ATP8A1: variants seen among roughly 807,000 people sequenced by gnomAD.
ATP8A1 encodes the protein phospholipid-transporting ATPase IA.
A neutral mutation model predicts 177.7 loss-of-function variants in ATP8A1; 90 were observed. That is an observed-to-expected ratio of 0.51 (90% CI 0.43 to 0.60). The LOEUF (loss-of-function observed/expected upper bound fraction) is 0.60, where lower values mean the gene tolerates loss of function less well. Ranked by LOEUF, ATP8A1 falls within the 20% of genes least tolerant of loss-of-function variation. ATP8A1 has a pLI of 0.00. For synonymous variants in ATP8A1, 493 were observed against 485.9 expected (o/e 1.01, Z -0.19); for missense variants, 1,072 against 1,392.8 (o/e 0.77, Z 3.67).
intron 22 of ATP8A1, among the ~76,000 whole-genome samples, chr4:42,521,343 T>A (rs764227147): frequency 2.6e-5 from 4 of 152,204 alleles, no homozygotes; most frequent in Non-Finnish European, 5.9e-5. Flanking sequence ...TTACCCTCTC[T>A]GTTACCTTGG....
intron 1 of ATP8A1, among the ~76,000 whole-genome samples, chr4:42,645,749 C>T (rs1336964643): frequency 6.6e-6 from 1 of 152,144 alleles, no homozygotes; most frequent in East Asian, 1.9e-4. Context: ...CTAACATTTA[C>T]CCATGACAAT....
chr4:42,517,461 C>T (rs1465873311), intron 22 of ATP8A1, among the ~76,000 whole-genome samples: 1 of 152,150 alleles, frequency 6.6e-6, no homozygotes, highest in African/African-American at 2.4e-5. Context: ...ACTGTAAATT[C>T]TCTCAAGTGG....
chr4:42,574,113 G>T (rs1366168482), intron 14 of ATP8A1, among the ~76,000 whole-genome samples: 1 of 152,044 alleles, frequency 6.6e-6, no homozygotes, highest in Non-Finnish European at 1.5e-5. Context: ...AGTTTCTGAT[G>T]ATATTAATTA....
chr4:42,586,193 C>T (rs1396063398), intron 9 of ATP8A1, among the ~76,000 whole-genome samples, 156 bp downstream of exon 9: 1 of 152,158 alleles, frequency 6.6e-6, no homozygotes. Flanking sequence ...AACATCTTCA[C>T]AGAAGGACTC....
intron 33 of ATP8A1, among the ~76,000 whole-genome samples, chr4:42,425,186 AT>A (rs1415958576): frequency 6.6e-6 from 1 of 151,936 alleles, no homozygotes; most frequent in Non-Finnish European, 1.5e-5. Flanking sequence ...CTGAAAATAC[AT>A]TTACTTGGCT....
intron 14 of ATP8A1, among the ~76,000 whole-genome samples, chr4:42,572,714 A>C (rs1266329827): frequency 1.3e-5 from 2 of 152,226 alleles, no homozygotes; most frequent in Non-Finnish European, 2.9e-5. Flanking sequence ...AAAATTTGCA[A>C]ACAAATAAAC....
chr4:42,540,421 T>C (rs1728266542), intron 20 of ATP8A1, among the ~76,000 whole-genome samples: 1 of 151,538 alleles, frequency 6.6e-6, no homozygotes, highest in Non-Finnish European at 1.5e-5. Flanking sequence ...ATCCCACTAC[T>C]GGGTAAGTAC....
chr4:42,587,708 G>A (rs1294790402), intron 8 of ATP8A1, among the ~76,000 whole-genome samples: 5 of 151,400 alleles, frequency 3.3e-5, no homozygotes, highest in South Asian at 2.1e-4. Context: ...CCGGGTTCAC[G>A]CCCTTCTCCT....
chr4:42,569,052 TATTTA>T, intron 15 of ATP8A1, 104 bp downstream of exon 15: 1 of 459,492 alleles, frequency 2.2e-6, no homozygotes, highest in Non-Finnish European at 3.4e-6. Flanking sequence ...AGCAATATTT[TATTTA>T]TATATATATA....
At chr4:42,556,274 C>T (rs2153213437) in intron 15 of ATP8A1, 3 of 333,990 alleles carry the variant, frequency 9.0e-6, no homozygotes, top group Non-Finnish European at 1.6e-5. Context: ...TAGTATTTTA[C>T]AGTTCATTTT....
intron 30 of ATP8A1, among the ~76,000 whole-genome samples, chr4:42,448,732 C>T (rs977247372): frequency 6.7e-6 from 1 of 148,550 alleles, no homozygotes; most frequent in African/African-American, 2.5e-5. Flanking sequence ...GAGGTAGTTT[C>T]TTAAAGGTTG....
At chr4:42,579,212 T>A (rs997049818) in intron 11 of ATP8A1, among the ~76,000 whole-genome samples, 1 of 151,634 alleles carries the variant, frequency 6.6e-6, no homozygotes, top group East Asian at 1.9e-4. Flanking sequence ...AACTATTTAC[T>A]AGCACCTTCT....
chr4:42,510,836 T>C (rs1182845900), intron 22 of ATP8A1, among the ~76,000 whole-genome samples: 1 of 152,160 alleles, frequency 6.6e-6, no homozygotes, highest in African/African-American at 2.4e-5. Flanking sequence ...GGAAAGCATC[T>C]AGTTTTGCAC....
At chr4:42,489,205 A>G (rs1722502147) in intron 24 of ATP8A1, among the ~76,000 whole-genome samples, 3 of 152,200 alleles carry the variant, frequency 2.0e-5, no homozygotes, top group Admixed American at 2.0e-4. Context: ...ACCTGAAATG[A>G]AACCTGAGAC....
intron 5 of ATP8A1, among the ~76,000 whole-genome samples, chr4:42,604,560 C>T (rs1735607065): frequency 6.6e-6 from 1 of 152,138 alleles, no homozygotes; most frequent in Non-Finnish European, 1.5e-5. Flanking sequence ...TAGTAGGGCT[C>T]ATGTTAAAAA....
At chr4:42,472,857 G>T (rs957959414) in intron 25 of ATP8A1, among the ~76,000 whole-genome samples, 1 of 151,836 alleles carries the variant, frequency 6.6e-6, no homozygotes, top group Non-Finnish European at 1.5e-5. Context: ...ATCTGAATAT[G>T]ATCTAGGAAA....
At position 42,524,800 on chromosome 4, in the gene ATP8A1, T is replaced by A; in HGVS notation, c.1770A>T (p.Glu590Asp). 6.2e-7 allele frequency: 1 copy of A among 1,610,762 alleles called. No individual in the cohort carries two copies. The highest frequency in any genetic ancestry group is 8.5e-7 in the Non-Finnish European group (1 of 1,178,608). Residue 590 changes from glutamate to aspartate, a missense_variant, in exon 21 of 37, where the codon GAA becomes GAT. Physicochemically the swap from Glu to Asp is conservative, Grantham distance 45. Around this residue, in one of 5 missense-constraint regions of ATP8A1, gnomAD observed 388 missense variants for 471.7 expected, o/e 0.82. Coordinates refer to ENST00000381668, the MANE Select transcript of ATP8A1 (RefSeq NM_006095.2). ...ACTGCTCTAAATGTTTTAGGGTAATTTCTTTGTATTTTGACGTCTCTGCCA... is the reference window on the plus strand; with the variant it reads ...ACTGCTCTAAATGTTTTAGGGTAATATCTTTGTATTTTGACGTCTCTGCCA... ...DRLAETSKYK[E>D]ITLKHLEQFA... is the part of the protein sequence containing the mutation.
chr4:42,618,865 T>C (rs1335564328), intron 4 of ATP8A1, among the ~76,000 whole-genome samples: 2 of 152,210 alleles, frequency 1.3e-5, no homozygotes, highest in African/African-American at 4.8e-5. Flanking sequence ...TTTTTTACAC[T>C]AACAACTAGA....
chr4:42,517,567 A>G (rs1725691453), intron 22 of ATP8A1, among the ~76,000 whole-genome samples: 1 of 152,238 alleles, frequency 6.6e-6, no homozygotes, highest in Non-Finnish European at 1.5e-5. Context: ...AATATCCCAT[A>G]TGATAATCCC....
Sources: allele counts gnomAD v4.1 joint callset (sites outside exome capture counted in the v4.1 genomes callset), GRCh38; gene constraint gnomAD v4.1.1; regional missense constraint gnomAD v4.1.1; transcripts MANE v1.5; gene names NCBI Gene and HGNC (gene_info 2026-07-23, HGNC 2026-07-21).